TMEM266: variants seen among roughly 807,000 people sequenced by gnomAD.
TMEM266 encodes transmembrane protein 266.
In TMEM266, 33 loss-of-function variants were observed where a neutral mutation model predicts 50.5. The ratio of observed to expected loss-of-function variants is 0.65; its 90% CI spans 0.50 to 0.87. TMEM266 has a LOEUF of 0.87. Ranked by LOEUF, TMEM266 falls within the 40% of genes least tolerant of loss-of-function variation. The probability of loss-of-function intolerance (pLI) is 0.00; values close to 1 mark genes in which losing one functional copy is unlikely to be tolerated. For synonymous variants in TMEM266, 310 were observed against 292.3 expected, an observed-to-expected ratio of 1.06 and a Z score of -0.62; for missense variants, 655 against 695.1, an observed-to-expected ratio of 0.94 and a Z score of 0.65.
At chr15:76,084,186 T>C (rs959846655) in intron 1 of TMEM266, among the ~76,000 whole-genome samples, 4 of 152,072 alleles carry the variant, frequency 2.6e-5, no homozygotes, top group Non-Finnish European at 5.9e-5. Context: ...TGGTGATACA[T>C]GCCTATAGTC....
At chr15:76,201,485 C>A (rs2038747291) in intron 9 of TMEM266, among the ~76,000 whole-genome samples, 1 of 152,170 alleles carries the variant, frequency 6.6e-6, no homozygotes, top group South Asian at 2.1e-4. Flanking sequence ...TCAACCAATC[C>A]TCCCACCTCA....
intron 1 of TMEM266, among the ~76,000 whole-genome samples, chr15:76,078,698 C>A (rs138894631): frequency 6.6e-6 from 1 of 152,308 alleles, no homozygotes; most frequent in African/African-American, 2.4e-5. Context: ...AACCGAGGAA[C>A]TGCCAGGGCT....
chr15:76,202,193 C>T lies in TMEM266; in HGVS notation c.959-9C>T. ...ATGCACTCACCCTTCTCTGTCCCCA[C>T]CTCTGTAGAAGCCACGATGAAGGAC... is the stretch of plus-strand genomic sequence containing the variant. On this transcript the variant is annotated splice_polypyrimidine_tract_variant and intron_variant, in intron 9 of 10. Coordinates refer to ENST00000388942, the MANE Select transcript of TMEM266 (RefSeq NM_152335.3). 2 of 1,612,430 alleles carry T rather than the reference C, an allele frequency of 1.2e-6. No homozygotes were observed. The highest frequency in any genetic ancestry group is 1.7e-6 in the Non-Finnish European group (2 of 1,178,692).
At chr15:76,070,992 T>C (rs1043838072) in intron 1 of TMEM266, among the ~76,000 whole-genome samples, 7 of 152,222 alleles carry the variant, frequency 4.6e-5, no homozygotes, top group African/African-American at 1.7e-4. Flanking sequence ...GTTTGTCTTA[T>C]CCTGACACAC....
At chr15:76,156,484 C>A in intron 3 of TMEM266, 120 bp from the exon 4 acceptor site, 1 of 1,028,990 alleles carries the variant, frequency 9.7e-7, no homozygotes, top group Non-Finnish European at 1.4e-6. Context: ...AAGCCTAGAG[C>A]CAGGGAGAGA....
chr15:76,170,480 C>A (rs890629324), intron 6 of TMEM266, among the ~76,000 whole-genome samples: 1 of 152,230 alleles, frequency 6.6e-6, no homozygotes, highest in Admixed American at 6.5e-5. Context: ...CTGGGGCAGG[C>A]GGACGGAAGG....
chr15:76,060,757 C>T (rs561965253), intron 1 of TMEM266, among the ~76,000 whole-genome samples: 16 of 152,220 alleles, frequency 1.1e-4, no homozygotes, highest in Non-Finnish European at 2.4e-4. Flanking sequence ...CTGAACATGA[C>T]TAAAGCTAGC....
chr15:76,075,982 GAGT>G (rs1432518870), intron 1 of TMEM266, among the ~76,000 whole-genome samples: 2 of 147,644 alleles, frequency 1.4e-5, no homozygotes, highest in Non-Finnish European at 3.0e-5. Flanking sequence ...TCAACCCCCC[GAGT>G]AGCTGGGACC....
chr15:76,143,990 C>A (rs763580862), intron 3 of TMEM266, among the ~76,000 whole-genome samples: 1 of 152,092 alleles, frequency 6.6e-6, no homozygotes, highest in Non-Finnish European at 1.5e-5. Context: ...ATGATCTATT[C>A]TTCTGCCTCT....
chr15:76,193,920 A>G (rs561912062), intron 9 of TMEM266, among the ~76,000 whole-genome samples: 11 of 152,290 alleles, frequency 7.2e-5, no homozygotes, highest in African/African-American at 2.4e-4. Flanking sequence ...CTCCTCCCAG[A>G]GCTCTCCAGC....
At chr15:76,158,505 A>G (rs1488199396) in intron 4 of TMEM266, among the ~76,000 whole-genome samples, 1 of 152,086 alleles carries the variant, frequency 6.6e-6, no homozygotes, top group Non-Finnish European at 1.5e-5. Flanking sequence ...GTGACAAGGT[A>G]TTGAGGAGAA....
intron 8 of TMEM266, among the ~76,000 whole-genome samples, chr15:76,182,646 AAAAACAAAAC>A (rs1042249028): frequency 6.6e-6 from 1 of 152,188 alleles, no homozygotes; most frequent in African/African-American, 2.4e-5. Context: ...TCAGTCACAA[AAAAACAAAAC>A]AAAACAAAAC....
intron 3 of TMEM266, among the ~76,000 whole-genome samples, chr15:76,140,186 A>G (rs926676837): frequency 6.6e-6 from 1 of 152,228 alleles, no homozygotes; most frequent in Non-Finnish European, 1.5e-5. Flanking sequence ...AGCCCGAGGA[A>G]GGGATCTGCC....
chr15:76,200,015 C>G (rs1567186436), intron 9 of TMEM266, among the ~76,000 whole-genome samples: 1 of 152,160 alleles, frequency 6.6e-6, no homozygotes, highest in Non-Finnish European at 1.5e-5. Flanking sequence ...GTAGGCCTTC[C>G]TGATTAAATG....
intron 1 of TMEM266, among the ~76,000 whole-genome samples, chr15:76,124,713 G>T (rs2037393545): frequency 6.6e-6 from 1 of 152,136 alleles, no homozygotes; most frequent in Non-Finnish European, 1.5e-5. Flanking sequence ...GTAGAAGGAT[G>T]ACTTGAGCCC....
At chr15:76,165,803 C>T (rs1247019823) in intron 5 of TMEM266, among the ~76,000 whole-genome samples, 4 of 152,200 alleles carry the variant, frequency 2.6e-5, no homozygotes, top group South Asian at 2.1e-4. Context: ...AAGGAATGAT[C>T]GGAGCCAGAA....
At chr15:76,089,945 T>C (rs1161904986) in intron 1 of TMEM266, among the ~76,000 whole-genome samples, 1 of 152,020 alleles carries the variant, frequency 6.6e-6, no homozygotes, top group Admixed American at 6.5e-5. Context: ...ACTGGGAAGA[T>C]TTGGGTGGAT....
chr15:76,128,563 T>G (rs576336713), intron 1 of TMEM266, among the ~76,000 whole-genome samples: 1 of 152,334 alleles, frequency 6.6e-6, no homozygotes, highest in African/African-American at 2.4e-5. Flanking sequence ...GGATGTTCAT[T>G]TTTAGAGTGC....
At chr15:76,174,369 G>A (rs1440605625) in intron 7 of TMEM266, among the ~76,000 whole-genome samples, 1 of 151,960 alleles carries the variant, frequency 6.6e-6, no homozygotes, top group East Asian at 1.9e-4. Flanking sequence ...TGGCCAACGT[G>A]GTGAAATCCC....
Sources: gnomAD v4.1 joint callset for allele counts (sites outside exome capture counted in the v4.1 genomes callset) on GRCh38, gnomAD v4.1.1 for gene constraint, MANE v1.5 for transcripts, NCBI Gene and HGNC (gene_info 2026-07-23, HGNC 2026-07-21) for gene names.